The following CNTNAP2 variants were observed in gnomAD, a reference collection of about 807,000 sequenced individuals.
The protein encoded by CNTNAP2 is contactin-associated protein-like 2.
CNTNAP2 carries 98 observed loss-of-function variants against 155.2 expected under a neutral mutation model. The ratio of observed to expected loss-of-function variants is 0.63; its 90% CI spans 0.54 to 0.75. The LOEUF is 0.75. Ranked by LOEUF, CNTNAP2 falls within the 30% of genes least tolerant of loss-of-function variation. The probability of loss-of-function intolerance (pLI) is 0.00; values close to 1 mark genes in which losing one functional copy is unlikely to be tolerated. For missense variants in CNTNAP2, 1,727 were observed against 1,688.1 expected, an observed-to-expected ratio of 1.02 and a Z score of -0.40; for synonymous variants, 651 against 631.2, an observed-to-expected ratio of 1.03 and a Z score of -0.47.
At chr7:147,952,253 A>G (rs12703982) in intron 14 of CNTNAP2, among the ~76,000 whole-genome samples, 8,134 of 23,178 alleles carry the variant, frequency 0.35, 2,536 homozygotes, top group East Asian at 0.62. Flanking sequence ...GACCAGCCTG[A>G]ACAACACGGA....
intron 15 of CNTNAP2, among the ~76,000 whole-genome samples, chr7:148,050,089 G>A (rs754735897): frequency 2.0e-5 from 3 of 152,184 alleles, no homozygotes; most frequent in Non-Finnish European, 4.4e-5. Flanking sequence ...TTGAGCCCGG[G>A]AGGCAGTTTG....
At chr7:146,309,539 T>C (rs575172033) in intron 1 of CNTNAP2, among the ~76,000 whole-genome samples, 92 of 152,206 alleles carry the variant, frequency 6.0e-4, no homozygotes, top group African/African-American at 2.1e-3. Context: ...CGGTGGCTCA[T>C]GCATGTAATC....
chr7:148,118,825 G>T (rs1804534143), intron 16 of CNTNAP2, among the ~76,000 whole-genome samples: 1 of 152,128 alleles, frequency 6.6e-6, no homozygotes, highest in South Asian at 2.1e-4. Flanking sequence ...GTGAGTTCTG[G>T]ATGTCATGTA....
chr7:147,986,876 TG>T (rs1554458596), intron 15 of CNTNAP2, among the ~76,000 whole-genome samples: 1 of 16,976 alleles, frequency 5.9e-5, no homozygotes, highest in Non-Finnish European at 1.0e-4. Context: ...TTTTTGTTTG[TG>T]TGTGTGTGTG....
intron 1 of CNTNAP2, among the ~76,000 whole-genome samples, chr7:146,422,311 G>T (rs1050746603): frequency 3.4e-5 from 5 of 148,740 alleles, no homozygotes; most frequent in African/African-American, 1.2e-4. Context: ...ACATATATAA[G>T]AATATATACA....
chr7:148,252,683 G>A (rs1796384068), intron 20 of CNTNAP2, among the ~76,000 whole-genome samples: 1 of 152,114 alleles, frequency 6.6e-6, no homozygotes, highest in Admixed American at 6.5e-5. Context: ...CTTCTATAGA[G>A]GCTTCTCATA....
intron 12 of CNTNAP2, among the ~76,000 whole-genome samples, chr7:147,594,974 A>G (rs972596413): frequency 4.6e-5 from 7 of 152,148 alleles, no homozygotes; most frequent in African/African-American, 1.7e-4. Flanking sequence ...AAGGAAAAAA[A>G]GAAGAAATAA....
At chr7:148,182,248 A>G (rs367620979) in intron 18 of CNTNAP2, among the ~76,000 whole-genome samples, 12 of 152,186 alleles carry the variant, frequency 7.9e-5, no homozygotes, top group African/African-American at 2.9e-4. Context: ...CCATGACTTG[A>G]GCTGAAACTC....
intron 8 of CNTNAP2, among the ~76,000 whole-genome samples, chr7:147,166,236 T>C (rs1192177953): frequency 6.6e-6 from 1 of 152,192 alleles, no homozygotes; most frequent in Admixed American, 6.5e-5. Context: ...TTAATGGCAC[T>C]CACAGCTATC....
chr7:146,202,507 C>T (rs1798881280), intron 1 of CNTNAP2, among the ~76,000 whole-genome samples: 1 of 152,128 alleles, frequency 6.6e-6, no homozygotes, highest in Non-Finnish European at 1.5e-5. Flanking sequence ...CTCGCCTTGA[C>T]TCAGCCATTA....
intron 15 of CNTNAP2, among the ~76,000 whole-genome samples, chr7:148,099,809 C>CCTCCCAT (rs1804056885): frequency 6.6e-6 from 1 of 151,662 alleles, no homozygotes; most frequent in South Asian, 2.1e-4. Context: ...CTACCCTGCC[C>CCTCCCAT]CTCCCATCCC....
chr7:147,545,921 T>A (rs1584803779), intron 11 of CNTNAP2, among the ~76,000 whole-genome samples: 3 of 152,158 alleles, frequency 2.0e-5, no homozygotes, highest in East Asian at 3.9e-4. Flanking sequence ...CTCCAAGATC[T>A]GATGGTTTTA....
At chr7:147,027,429 CAATT>C (rs778276492) in intron 3 of CNTNAP2, among the ~76,000 whole-genome samples, 2 of 152,180 alleles carry the variant, frequency 1.3e-5, no homozygotes, top group Non-Finnish European at 2.9e-5. Flanking sequence ...CATATTGCTT[CAATT>C]AAGTCAATTA....
chr7:146,947,466 ATT>A (rs1411686683), intron 3 of CNTNAP2, among the ~76,000 whole-genome samples: 2 of 141,622 alleles, frequency 1.4e-5, no homozygotes, highest in African/African-American at 2.6e-5. Flanking sequence ...TTCTATATAT[ATT>A]GTATATATAT....
chr7:146,242,537 C>CAA (rs200094549), intron 1 of CNTNAP2, among the ~76,000 whole-genome samples: 4,531 of 128,196 alleles, frequency 0.035, 226 homozygotes, highest in African/African-American at 0.12. Context: ...GACTCTGTCT[C>CAA]AAAAAAAAAA....
intron 1 of CNTNAP2, among the ~76,000 whole-genome samples, chr7:146,767,438 GT>G (rs1335692985): frequency 3.9e-5 from 6 of 152,144 alleles, no homozygotes; most frequent in Admixed American, 3.3e-4. Context: ...TACGTTAAAT[GT>G]TGCATCTGTG....
chr7:146,138,637 A>C (rs959412301), intron 1 of CNTNAP2, among the ~76,000 whole-genome samples: 8 of 151,980 alleles, frequency 5.3e-5, no homozygotes, highest in African/African-American at 1.9e-4. Context: ...AACATGTTTG[A>C]TCCTCTATAT....
Position 147,868,756 on chromosome 7 carries a change from A to T in CNTNAP2, c.2099-34809A>T, listed in dbSNP as rs375341773. Among the ~76,000 whole-genome samples the T allele has an allele frequency of 3.2e-4, 49 of 152,352 alleles. 1 individual carries two copies. Among genetic ancestry groups the T allele is most frequent in the African/African-American group, 1.0e-3 (42 of 41,582 alleles). ...CTGCGCTAGCAGTGAGCAAGGCTCC[A>T]TGGGCATGGGACCCTCCAAGCCAGG... On this transcript the variant is annotated intron_variant, in intron 13 of 23. Coordinates refer to ENST00000361727, the MANE Select transcript of CNTNAP2 (RefSeq NM_014141.6).
At chr7:146,751,539 TA>T (rs2129182585) in intron 1 of CNTNAP2, among the ~76,000 whole-genome samples, 1 of 152,306 alleles carries the variant, frequency 6.6e-6, no homozygotes, top group Non-Finnish European at 1.5e-5. Context: ...AACATGGGTA[TA>T]CATTTATGTT....
Sources: allele counts gnomAD v4.1 joint callset (sites outside exome capture counted in the v4.1 genomes callset), GRCh38; gene constraint gnomAD v4.1.1; transcripts MANE v1.5; gene names NCBI Gene and HGNC (gene_info 2026-07-23, HGNC 2026-07-21).